The following PTPRD variants were observed in gnomAD, a reference collection of about 807,000 sequenced individuals.
PTPRD encodes receptor-type tyrosine-protein phosphatase delta.
In PTPRD, 34 loss-of-function variants were observed where a neutral mutation model predicts 214.5. The ratio of observed to expected loss-of-function variants is 0.16; its 90% CI spans 0.12 to 0.21. The LOEUF (loss-of-function observed/expected upper bound fraction) is 0.21, where lower values mean the gene tolerates loss of function less well. PTPRD is among the 10% of genes least tolerant of loss of function. The pLI, the probability that PTPRD is intolerant of heterozygous loss-of-function variation, is 1.00. For synonymous variants in PTPRD, 1,128 were observed against 845.7 expected, an observed-to-expected ratio of 1.33 and a Z score of -5.79; for missense variants, 2,545 against 2,398.7, an observed-to-expected ratio of 1.06 and a Z score of -1.27.
intron 2 of PTPRD, among the ~76,000 whole-genome samples, chr9:10,382,501 T>C (rs925889413): frequency 6.6e-6 from 1 of 151,914 alleles, no homozygotes; most frequent in African/African-American, 2.4e-5. Context: ...TGAAATACAA[T>C]CTGAATTGAG....
At chr9:9,962,008 T>G (rs2094398392) in intron 4 of PTPRD, among the ~76,000 whole-genome samples, 2 of 152,236 alleles carry the variant, frequency 1.3e-5, no homozygotes, top group Admixed American at 6.5e-5. Flanking sequence ...TCATAGAAAA[T>G]AACTTAGAAT....
rs192343489 is a variant in PTPRD, at chr9:9,894,509, C to A, written c.-368+43998G>T. The stretch of plus-strand genomic sequence containing the variant: ...TGCCAGTTTTCCTTTTCCTGATACA[C>A]CTATTTTCTTTTCATATTTGTCTAA... On this transcript the variant is annotated intron_variant, in intron 5 of 45. Coordinates refer to ENST00000381196, the MANE Select transcript of PTPRD (RefSeq NM_002839.4). Among the ~76,000 whole-genome samples, 30 of 151,942 alleles carry A rather than the reference C, an allele frequency of 2.0e-4. 1 individual carries two copies. In the East Asian group the frequency reaches 5.0e-3, roughly 26 times the overall value.
intron 9 of PTPRD, among the ~76,000 whole-genome samples, chr9:9,350,711 T>C (rs2050773282): frequency 6.6e-6 from 1 of 152,088 alleles, no homozygotes; most frequent in South Asian, 2.1e-4. Context: ...TCTTTTATTT[T>C]AAATATGAAA....
At chr9:9,713,222 G>A (rs1005827871) in intron 7 of PTPRD, among the ~76,000 whole-genome samples, 2 of 152,140 alleles carry the variant, frequency 1.3e-5, no homozygotes, top group African/African-American at 4.8e-5. Context: ...AATACTCTAT[G>A]TCTGCCTAAG....
At chr9:10,266,088 C>G (rs1353968921) in intron 3 of PTPRD, among the ~76,000 whole-genome samples, 1 of 151,860 alleles carries the variant, frequency 6.6e-6, no homozygotes. Flanking sequence ...CCTATGGAGA[C>G]CCACACCATC....
intron 4 of PTPRD, among the ~76,000 whole-genome samples, chr9:9,980,989 C>G (rs1485877259): frequency 6.6e-6 from 1 of 152,142 alleles, no homozygotes; most frequent in Non-Finnish European, 1.5e-5. Flanking sequence ...AAGTCTCACA[C>G]TATTCATTTA....
At chr9:9,442,415 A>G (rs2088425347) in intron 8 of PTPRD, 1 of 152,232 alleles carries the variant, frequency 6.6e-6, no homozygotes, top group Non-Finnish European at 1.5e-5. Context: ...ATGCGCCTGT[A>G]GTACTGATGT....
At chr9:8,597,630 A>C (rs2094545741) in intron 14 of PTPRD, among the ~76,000 whole-genome samples, 2 of 152,210 alleles carry the variant, frequency 1.3e-5, no homozygotes, top group African/African-American at 2.4e-5. Flanking sequence ...ATTTCTGAAC[A>C]CTTTTTGTTG....
intron 2 of PTPRD, among the ~76,000 whole-genome samples, chr9:10,609,661 A>T (rs1048814907): frequency 6.6e-6 from 1 of 152,160 alleles, no homozygotes; most frequent in African/African-American, 2.4e-5. Flanking sequence ...AGTAATACAC[A>T]GGAAAGATAT....
intron 4 of PTPRD, among the ~76,000 whole-genome samples, chr9:9,948,344 G>C (rs940179979): frequency 1.2e-4 from 19 of 152,040 alleles, no homozygotes; most frequent in African/African-American, 4.1e-4. Flanking sequence ...TCTAGGAAGG[G>C]ATGTGTATTC....
intron 36 of PTPRD, among the ~76,000 whole-genome samples, chr9:8,403,502 A>T (rs975084242): frequency 2.6e-5 from 4 of 152,218 alleles, no homozygotes; most frequent in Non-Finnish European, 5.9e-5. Context: ...TTTCCAATCC[A>T]ATGTGCTCCT....
intron 3 of PTPRD, among the ~76,000 whole-genome samples, chr9:10,071,209 T>A (rs1199603660): frequency 1.3e-5 from 2 of 151,962 alleles, no homozygotes; most frequent in Admixed American, 6.6e-5. Context: ...TGAATATAGA[T>A]CTAACACAAT....
intron 12 of PTPRD, among the ~76,000 whole-genome samples, chr9:8,711,857 G>T (rs1022883596): frequency 6.6e-6 from 1 of 152,162 alleles, no homozygotes; most frequent in Admixed American, 6.5e-5. Flanking sequence ...ACTGTGATAC[G>T]GATATAATGC....
At chr9:10,138,047 A>T (rs1035464131) in intron 3 of PTPRD, among the ~76,000 whole-genome samples, 5 of 152,104 alleles carry the variant, frequency 3.3e-5, no homozygotes, top group Admixed American at 1.3e-4. Flanking sequence ...AAATCAGAGA[A>T]GCACTGAAGA....
chr9:9,072,260 C>T (rs946451970), intron 10 of PTPRD, among the ~76,000 whole-genome samples: 10 of 148,908 alleles, frequency 6.7e-5, no homozygotes, highest in South Asian at 4.2e-4. Flanking sequence ...GTCTTTCTCA[C>T]GAACAAAGAG....
intron 9 of PTPRD, among the ~76,000 whole-genome samples, chr9:9,238,840 T>C (rs1052892729): frequency 2.0e-5 from 3 of 152,172 alleles, no homozygotes; most frequent in Non-Finnish European, 4.4e-5. Flanking sequence ...ATTAAATTGG[T>C]CTCCAAAATA....
At chr9:9,709,780 T>C (rs1280455924) in intron 7 of PTPRD, among the ~76,000 whole-genome samples, 2 of 152,076 alleles carry the variant, frequency 1.3e-5, no homozygotes, top group Admixed American at 1.3e-4. Flanking sequence ...TCACCATTGA[T>C]ATAGTAGACG....
chr9:8,637,012 GTAGTT>G (rs1197474128), intron 12 of PTPRD, among the ~76,000 whole-genome samples, 168 bp from the exon 13 acceptor site: 29 of 152,106 alleles, frequency 1.9e-4, no homozygotes, highest in Admixed American at 1.9e-3. Flanking sequence ...ACTTTTGAGG[GTAGTT>G]TAAAGGGGAA....
chr9:9,819,051 T>C (rs1427537061), intron 5 of PTPRD, among the ~76,000 whole-genome samples: 3 of 152,160 alleles, frequency 2.0e-5, no homozygotes, highest in Non-Finnish European at 4.4e-5. Flanking sequence ...CCTGAGATAC[T>C]GTCGAAATGT....
Sources: gnomAD v4.1 joint callset for allele counts (sites outside exome capture counted in the v4.1 genomes callset) on GRCh38, gnomAD v4.1.1 for gene constraint, MANE v1.5 for transcripts, NCBI Gene and HGNC (gene_info 2026-07-23, HGNC 2026-07-21) for gene names.